The following PTPRO variants were observed in gnomAD, a reference collection of about 807,000 sequenced individuals.
The protein encoded by PTPRO is receptor-type tyrosine-protein phosphatase O.
Under a neutral mutation model 145.2 loss-of-function variants are expected in PTPRO, and 62 were observed. The ratio of observed to expected loss-of-function variants is 0.43; its 90% CI spans 0.35 to 0.53. PTPRO has a LOEUF of 0.53. PTPRO is among the 20% of genes least tolerant of loss of function. PTPRO has a pLI of 0.01. For missense variants in PTPRO, 1,345 were observed against 1,482.7 expected (o/e 0.91, Z 1.53); for synonymous variants, 565 against 514.7 (o/e 1.10, Z -1.32).
At chr12:15,589,035 C>T (rs1944489033) in intron 24 of PTPRO, among the ~76,000 whole-genome samples, 1 of 152,152 alleles carries the variant, frequency 6.6e-6, no homozygotes, top group African/African-American at 2.4e-5. Context: ...CACAAGGGTA[C>T]TATTTGTAGT....
intron 4 of PTPRO, 55 bp from the exon 5 acceptor site, chr12:15,501,565 A>G (rs966205082): frequency 6.1e-6 from 9 of 1,477,270 alleles, no homozygotes; most frequent in Non-Finnish European, 8.5e-6. Context: ...GAGATTAAGT[A>G]TTCACTCTAA....
At chr12:15,369,567 T>C (rs988489755) in intron 1 of PTPRO, among the ~76,000 whole-genome samples, 8 of 152,214 alleles carry the variant, frequency 5.3e-5, no homozygotes, top group Non-Finnish European at 8.8e-5. Context: ...GATTCTCAAT[T>C]TGATACCTAA....
At chr12:15,328,474 T>C (rs1326390153) in intron 1 of PTPRO, among the ~76,000 whole-genome samples, 1 of 152,180 alleles carries the variant, frequency 6.6e-6, no homozygotes, top group African/African-American at 2.4e-5. Context: ...TGCGGGGATT[T>C]CCTGATAAAA....
chr12:15,479,556 G>A (rs1284072440), intron 1 of PTPRO, among the ~76,000 whole-genome samples: 1 of 152,212 alleles, frequency 6.6e-6, no homozygotes, highest in Non-Finnish European at 1.5e-5. Context: ...GGAGGGGAGA[G>A]GAGGTTGTAG....
chr12:15,416,891 A>C (rs895354983), intron 1 of PTPRO, among the ~76,000 whole-genome samples: 3 of 151,616 alleles, frequency 2.0e-5, no homozygotes, highest in Non-Finnish European at 4.4e-5. Context: ...AATAGTAATA[A>C]TAGAAAATCA....
chr12:15,538,638 C>CAAT (rs1266971335), intron 12 of PTPRO, among the ~76,000 whole-genome samples: 1 of 152,362 alleles, frequency 6.6e-6, no homozygotes, highest in East Asian at 1.9e-4. Flanking sequence ...ACACATAGGG[C>CAAT]AATGACTGTG....
chr12:15,349,360 T>A (rs1394986565), intron 1 of PTPRO, among the ~76,000 whole-genome samples: 1 of 152,208 alleles, frequency 6.6e-6, no homozygotes, highest in East Asian at 1.9e-4. Flanking sequence ...GAGGACTTGT[T>A]TGTCCCACAA....
chr12:15,593,645 G>T (rs1042722870), intron 25 of PTPRO, among the ~76,000 whole-genome samples: 1 of 152,128 alleles, frequency 6.6e-6, no homozygotes, highest in Admixed American at 6.5e-5. Flanking sequence ...TTTCATTAAA[G>T]ATACACTATT....
chr12:15,403,168 T>G (rs1023948790), intron 1 of PTPRO, among the ~76,000 whole-genome samples: 1 of 152,206 alleles, frequency 6.6e-6, no homozygotes, highest in African/African-American at 2.4e-5. Context: ...TCTTCCTATC[T>G]GGCTTGTTGC....
At chr12:15,386,026 A>G (rs1212346919) in intron 1 of PTPRO, among the ~76,000 whole-genome samples, 2 of 152,148 alleles carry the variant, frequency 1.3e-5, no homozygotes, top group Non-Finnish European at 2.9e-5. Flanking sequence ...CTAACAGTAG[A>G]GTTCACAAAG....
rs143304261 is a variant in PTPRO, at chr12:15,539,629, G to A, written c.2165-6940G>A. ...CTACAAAAATTAGCTGGGTGTAGTC[G>A]TAGGTACCTGTAATTCCAGCTGCTC... On this transcript the variant is annotated intron_variant, in intron 12 of 26. Coordinates refer to ENST00000281171, the MANE Select transcript of PTPRO (RefSeq NM_030667.3). 5.9e-5 allele frequency among the ~76,000 whole-genome samples: 9 copies of A among 151,708 alleles called. No homozygotes were observed. In the East Asian group the frequency reaches 9.7e-4, roughly 16 times the overall value.
chr12:15,553,671 CAGA>C (rs1275520466), intron 15 of PTPRO, among the ~76,000 whole-genome samples: 1 of 152,120 alleles, frequency 6.6e-6, no homozygotes, highest in African/African-American at 2.4e-5. Context: ...GGCTCTGGAG[CAGA>C]AGATTAACAG....
chr12:15,557,911 A>T (rs1191617508), intron 16 of PTPRO, among the ~76,000 whole-genome samples: 6 of 151,882 alleles, frequency 4.0e-5, no homozygotes, highest in Non-Finnish European at 8.8e-5. Flanking sequence ...TTTATTTTAT[A>T]TTTTATTTTA....
In PTPRO at chr12:15,497,358, A is replaced by G. The variant is rs748436787; in HGVS notation, c.463A>G (p.Ile155Val). 2 of 1,613,394 alleles carry G rather than the reference A, an allele frequency of 1.2e-6. No homozygotes were observed. Among genetic ancestry groups the G allele is most frequent in the Non-Finnish European group, 1.7e-6 (2 of 1,179,476 alleles). ...ATATAACGTTTTCACAAGAGTGAAC[A>G]TTAGCTACTGGGAAGGTAAAGACTT... ...EKYNVFTRVN[I>V]SYWEGKDFRT... Residue 155 changes from isoleucine (I) to valine (V), a missense_variant, in exon 3 of 27, where the codon ATT becomes GTT. Ile to Val is a conservative substitution (Grantham distance 29). Around this residue, in one of 3 missense-constraint regions of PTPRO, gnomAD observed 1,130 missense variants for 1,214.7 expected, o/e 0.93. Coordinates refer to ENST00000281171, the MANE Select transcript of PTPRO (RefSeq NM_030667.3).
intron 15 of PTPRO, among the ~76,000 whole-genome samples, chr12:15,556,034 G>A (rs1484806158): frequency 6.6e-6 from 1 of 152,076 alleles, no homozygotes; most frequent in Non-Finnish European, 1.5e-5. Context: ...ATATTCTGAT[G>A]GTTTGGTACC....
intron 2 of PTPRO, among the ~76,000 whole-genome samples, chr12:15,486,190 T>C (rs541775114): frequency 4.3e-4 from 66 of 152,318 alleles, no homozygotes; most frequent in Admixed American, 4.3e-3. Context: ...CTTATTTTGG[T>C]TTATGCTTTA....
At chr12:15,410,289 T>G (rs932345740) in intron 1 of PTPRO, 1 of 152,166 alleles carries the variant, frequency 6.6e-6, no homozygotes, top group African/African-American at 2.4e-5. Context: ...GGAGTGCCTG[T>G]GAGGATGTTT....
At chr12:15,354,279 T>G (rs1363224235) in intron 1 of PTPRO, among the ~76,000 whole-genome samples, 1 of 152,220 alleles carries the variant, frequency 6.6e-6, no homozygotes, top group African/African-American at 2.4e-5. Context: ...AAACTTTTTA[T>G]AAAGCATCAG....
At chr12:15,466,191 T>C (rs1321436223) in intron 1 of PTPRO, among the ~76,000 whole-genome samples, 1 of 152,208 alleles carries the variant, frequency 6.6e-6, no homozygotes, top group Non-Finnish European at 1.5e-5. Context: ...CATAATTCTA[T>C]TGTTTTAACA....
Sources: allele counts gnomAD v4.1 joint callset (sites outside exome capture counted in the v4.1 genomes callset), GRCh38; gene constraint gnomAD v4.1.1; regional missense constraint gnomAD v4.1.1; transcripts MANE v1.5; gene names NCBI Gene and HGNC (gene_info 2026-07-23, HGNC 2026-07-21).